Variants in AKAP13 observed in about 807,000 individuals in gnomAD.
AKAP13 encodes A-kinase anchoring protein 13.
In AKAP13, 80 loss-of-function variants were observed where a neutral mutation model predicts 264.5. That is an observed-to-expected ratio of 0.30 (90% CI 0.25 to 0.36). The LOEUF is 0.36. Ranked by LOEUF, AKAP13 falls within the 10% of genes least tolerant of loss-of-function variation. AKAP13 has a pLI of 1.00. For missense variants in AKAP13, 3,712 were observed against 3,435.2 expected (o/e 1.08, Z -2.01); for synonymous variants, 1,380 against 1,250.2 (o/e 1.10, Z -2.19).
rs2089343449 is a variant in AKAP13, at chr15:85,745,482, T to C, written c.*805T>C. ...GAAGAAATATCCTGGTTTTCCAGCA[T>C]GTTTACCCACATGTTTTGGCCATGG... On this transcript the variant is annotated 3_prime_UTR_variant, in exon 37 of 37. Transcript: ENST00000394518. The C allele has an allele frequency of 6.6e-6, 1 of 152,204 alleles. No individual in the cohort carries two copies. The highest frequency in any genetic ancestry group is 2.4e-5 in the African/African-American group (1 of 41,448). The allele number at this position is 152,204 out of a possible 1,614,324, so 9.4% of individuals were successfully genotyped here. A position where few individuals can be genotyped will look rare whatever the true frequency, so the allele number is the denominator to read the frequency against.
At chr15:85,568,983 A>G (rs1010087661) in intron 5 of AKAP13, among the ~76,000 whole-genome samples, 4 of 152,150 alleles carry the variant, frequency 2.6e-5, no homozygotes, top group African/African-American at 9.7e-5. Flanking sequence ...TGCCTGTAGG[A>G]TTTGAAATAA....
chr15:85,466,849 C>G (rs2074759429), intron 1 of AKAP13, among the ~76,000 whole-genome samples: 2 of 151,966 alleles, frequency 1.3e-5, no homozygotes, highest in African/African-American at 4.8e-5. Context: ...GATCTTTTTC[C>G]TGGTTAATCT....
At chr15:85,507,457 C>T (rs1446207410) in intron 2 of AKAP13, among the ~76,000 whole-genome samples, 3 of 151,164 alleles carry the variant, frequency 2.0e-5, no homozygotes, top group Non-Finnish European at 4.4e-5. Context: ...AAATATTTAC[C>T]ATCTGAGTCT....
intron 2 of AKAP13, among the ~76,000 whole-genome samples, chr15:85,499,716 G>T (rs1284865056): frequency 6.6e-6 from 1 of 151,418 alleles, no homozygotes; most frequent in African/African-American, 2.4e-5. Context: ...TTCATTTCCT[G>T]CCACTTGTCT....
intron 1 of AKAP13, among the ~76,000 whole-genome samples, chr15:85,478,119 A>G (rs938107534): frequency 1.3e-5 from 2 of 152,276 alleles, no homozygotes; most frequent in Admixed American, 6.5e-5. Flanking sequence ...TGCTCATCAT[A>G]CTGTAATATC....
At chr15:85,507,425 A>G (rs1470449543) in intron 2 of AKAP13, among the ~76,000 whole-genome samples, 1 of 151,942 alleles carries the variant, frequency 6.6e-6, no homozygotes, top group East Asian at 1.9e-4. Flanking sequence ...TGCAGTAGTA[A>G]CCATATTTCC....
intron 1 of AKAP13, chr15:85,415,467 A>G: frequency 6.3e-7 from 1 of 1,592,156 alleles, no homozygotes; most frequent in Admixed American, 1.7e-5. Flanking sequence ...AGCTGATGGC[A>G]GAAAAACTCA....
chr15:85,488,249 T>C (rs1445355078), intron 2 of AKAP13, among the ~76,000 whole-genome samples: 1 of 152,214 alleles, frequency 6.6e-6, no homozygotes, highest in Non-Finnish European at 1.5e-5. Flanking sequence ...TTTTTAATGT[T>C]AAGGCAACCT....
chr15:85,579,105 C>T lies in AKAP13; in HGVS notation c.1037C>T (p.Pro346Leu). 6.2e-7 allele frequency: 1 copy of T among 1,614,156 alleles called. No individual in the cohort carries two copies. Among genetic ancestry groups the T allele is most frequent in the Non-Finnish European group, 8.5e-7 (1 of 1,180,028 alleles). The change falls in exon 7 of 37, where the codon CCT becomes CTT. Residue 346 changes from proline (P) to leucine (L), a missense_variant. Pro to Leu is a moderately conservative substitution (Grantham distance 98, BLOSUM62 -3). Transcript: ENST00000394518. ...TESTQCCPGS[P>L]VAQTESPCDL... is the part of the protein sequence containing the mutation. ...AGCACTCAGTGCTGCCCAGGGAGCC[C>T]TGTTGCACAGACTGAAAGTCCCTGT... is the stretch of plus-strand genomic sequence containing the variant.
At chr15:85,574,476 A>G (rs1410473088) in intron 5 of AKAP13, among the ~76,000 whole-genome samples, 1 of 152,234 alleles carries the variant, frequency 6.6e-6, no homozygotes, top group African/African-American at 2.4e-5. Context: ...TTATAATGAT[A>G]TGAGTTGAGC....
intron 1 of AKAP13, among the ~76,000 whole-genome samples, chr15:85,473,431 A>C (rs1312045144): frequency 6.6e-6 from 1 of 152,364 alleles, no homozygotes; most frequent in Non-Finnish European, 1.5e-5. Context: ...GATTATAGAT[A>C]GAATGAACTA....
At chr15:85,743,235 G>A (rs117431406) in intron 35 of AKAP13, among the ~76,000 whole-genome samples, 5 of 152,162 alleles carry the variant, frequency 3.3e-5, no homozygotes, top group East Asian at 3.9e-4. Flanking sequence ...TTACAACGCC[G>A]GCGTTTGTGT....
chr15:85,726,567 C>A, intron 27 of AKAP13, 81 bp downstream of exon 27: 1 of 1,169,946 alleles, frequency 8.5e-7, no homozygotes, highest in Admixed American at 2.2e-5. Context: ...TTATTGCTCT[C>A]CCCCGCCCTC....
chr15:85,645,667 G>T, intron 9 of AKAP13, 151 bp from the exon 10 acceptor site: 1 of 856,424 alleles, frequency 1.2e-6, no homozygotes, highest in East Asian at 2.9e-5. Flanking sequence ...TCTTAATTTT[G>T]AAAAAAAGAA....
intron 7 of AKAP13, among the ~76,000 whole-genome samples, chr15:85,585,117 G>C (rs2079286001): frequency 6.6e-6 from 1 of 152,188 alleles, no homozygotes; most frequent in South Asian, 2.1e-4. Context: ...GGGATAGCTA[G>C]TCTGTGATTA....
chr15:85,587,763 C>G (rs901054460), intron 8 of AKAP13, among the ~76,000 whole-genome samples: 1 of 152,160 alleles, frequency 6.6e-6, no homozygotes, highest in Non-Finnish European at 1.5e-5. Flanking sequence ...TCTCTTGTCT[C>G]AGCCTCCCGA....
In AKAP13 at chr15:85,641,542, G is replaced by A. The variant is rs1313760087; in HGVS notation, c.4237+2093G>A. On this transcript the variant is annotated intron_variant, in intron 9 of 36. Coordinates refer to ENST00000394518, the MANE Select transcript of AKAP13 (RefSeq NM_007200.5). The stretch of plus-strand genomic sequence containing the variant: ...GCTCTGTCGCCCAGGCTGGAATGCA[G>A]TGGCACAATCTCGGCTCACTGCAAG... Among the ~76,000 whole-genome samples, 6 of 151,370 alleles carry A rather than the reference G, an allele frequency of 4.0e-5. No homozygotes were observed. The East Asian group carries it at 9.8e-4, about 25-fold the overall frequency.
intron 1 of AKAP13, among the ~76,000 whole-genome samples, chr15:85,453,321 C>G (rs2074159728): frequency 6.6e-6 from 1 of 151,996 alleles, no homozygotes; most frequent in African/African-American, 2.4e-5. Context: ...GAGGACCTGC[C>G]CTGTGAGGAG....
At chr15:85,542,144 G>C (rs2077598574) in intron 4 of AKAP13, among the ~76,000 whole-genome samples, 1 of 152,186 alleles carries the variant, frequency 6.6e-6, no homozygotes, top group South Asian at 2.1e-4. Context: ...GGTGCTATTT[G>C]ATCTTTTGTG....
Sources: allele counts gnomAD v4.1 joint callset (sites outside exome capture counted in the v4.1 genomes callset), GRCh38; gene constraint gnomAD v4.1.1; transcripts MANE v1.5; gene names NCBI Gene and HGNC (gene_info 2026-07-23, HGNC 2026-07-21).